The following MGST1 variants were observed in gnomAD, a reference collection of about 807,000 sequenced individuals.
The protein encoded by MGST1 is glutathione S-transferase 12.
Under a neutral mutation model 8.9 loss-of-function variants are expected in MGST1, and 5 were observed. That is an observed-to-expected ratio of 0.56 (90% CI 0.29 to 1.19). MGST1 has a LOEUF of 1.19. MGST1 is among the 50% of genes most tolerant of loss of function. MGST1 has a pLI of 0.08. For synonymous variants in MGST1, 54 were observed against 67.8 expected (o/e 0.80, Z 1.00); for missense variants, 182 against 187.4 (o/e 0.97, Z 0.17).
At chr12:16,378,495 C>T (rs1220293348), downstream of MGST1, among the ~76,000 whole-genome samples, 1 of 152,030 alleles carries the variant, frequency 6.6e-6, no homozygotes, top group East Asian at 1.9e-4. Context: ...TGTTCTGTTC[C>T]ATTGGTCTAT....
chr12:16,386,854 C>G (rs561416849), intron 1 of MGST1, among the ~76,000 whole-genome samples: 1 of 152,298 alleles, frequency 6.6e-6, no homozygotes, highest in South Asian at 2.1e-4. Flanking sequence ...CCAACTCCAT[C>G]CGGCCTGGGA....
Position 16,427,762 on chromosome 12 carries a change from T to C in MGST1, n.779-9626T>C, listed in dbSNP as rs879571337. On this transcript the variant is annotated intron_variant and non_coding_transcript_variant, in intron 1 of 1. Coordinates refer to the MGST1 transcript ENST00000359720. ...GGCTATTGAGCTTTAATTATTTCCA[T>C]CTAAGCATTATGCTTTTTCCTTTTA... Among the ~76,000 whole-genome samples, 37 of 152,334 alleles carry C rather than the reference T, an allele frequency of 2.4e-4. 1 individual carries two copies. Among genetic ancestry groups the C allele is most frequent in the Admixed American group, 1.8e-3 (28 of 15,304 alleles).
At chr12:16,591,417 G>A (rs1293762946), downstream of MGST1, among the ~76,000 whole-genome samples, 1 of 151,872 alleles carries the variant, frequency 6.6e-6, no homozygotes, top group Non-Finnish European at 1.5e-5. This position sits in a 1 kb window ranked among gnomAD's most constrained non-coding sequence, Gnocchi z 4.1. Flanking sequence ...CTCTTGTACT[G>A]CTTCATTTTC....
At chr12:16,448,175 CAGAA>C (rs1471554797) in intron 4 of MGST1, among the ~76,000 whole-genome samples, 23 of 151,894 alleles carry the variant, frequency 1.5e-4, no homozygotes, top group African/African-American at 4.8e-4. Context: ...TAAGAAAAGA[CAGAA>C]AGAAGAAACA....
At chr12:16,542,171 T>G (rs1463125794) in intron 4 of MGST1, among the ~76,000 whole-genome samples, 3 of 152,188 alleles carry the variant, frequency 2.0e-5, no homozygotes, top group Admixed American at 6.5e-5. Context: ...AATCCTCCAT[T>G]GATTAATTTT....
chr12:16,475,240 A>G (rs1403694860), intron 4 of MGST1, among the ~76,000 whole-genome samples: 2 of 152,208 alleles, frequency 1.3e-5, no homozygotes, highest in African/African-American at 4.8e-5. Flanking sequence ...ATAAAAATGG[A>G]TGAAAAAGTA....
chr12:16,568,853 G>A (rs1942709858), intron 4 of MGST1, among the ~76,000 whole-genome samples: 2 of 152,040 alleles, frequency 1.3e-5, no homozygotes, highest in Admixed American at 1.3e-4. Flanking sequence ...GAAACAAATG[G>A]AGATCCAAAA....
chr12:16,562,687 G>C lies in MGST1; in HGVS notation n.483-26841G>C, dbSNP rs567420234. On this transcript the variant is annotated intron_variant and non_coding_transcript_variant, in intron 4 of 4. Coordinates refer to the MGST1 transcript ENST00000538857. ...AGTAATGCATGGCCAGCCCTGAGCTGCCTGCTATACTGTGAACAACCCTCA... is the reference window on the plus strand; with the variant it reads ...AGTAATGCATGGCCAGCCCTGAGCTCCCTGCTATACTGTGAACAACCCTCA... Among the ~76,000 whole-genome samples, 16 of 152,332 alleles carry C rather than the reference G, an allele frequency of 1.1e-4. No individual in the cohort carries two copies. The East Asian group carries it at 2.9e-3, about 28-fold the overall frequency.
In MGST1 at chr12:16,582,171, T is replaced by G. The variant is rs1943181395; in HGVS notation, n.483-7357T>G. Among the ~76,000 whole-genome samples, 1 of 152,202 alleles carries G rather than the reference T, an allele frequency of 6.6e-6. No homozygotes were observed. Among genetic ancestry groups the G allele is most frequent in the Non-Finnish European group, 1.5e-5 (1 of 68,012 alleles). ...TATTTAACTGGTTTCTTCCTGTTTC[T>G]CTTTATTTGGAAGTTTTGAAATGGC... On this transcript the variant is annotated intron_variant and non_coding_transcript_variant, in intron 4 of 4. Coordinates refer to the MGST1 transcript ENST00000538857. This position sits in a 1 kb window ranked among gnomAD's most constrained non-coding sequence, Gnocchi z 4.1.
chr12:16,373,270 G>A (rs1940326950), intron 3 of MGST1, among the ~76,000 whole-genome samples: 1 of 151,702 alleles, frequency 6.6e-6, no homozygotes, highest in Non-Finnish European at 1.5e-5. Flanking sequence ...GGGATGTGGG[G>A]GATAAAGAGG....
At chr12:16,571,279 G>A (rs1377198865) in intron 4 of MGST1, among the ~76,000 whole-genome samples, 7 of 152,040 alleles carry the variant, frequency 4.6e-5, no homozygotes, top group Admixed American at 4.6e-4. Context: ...AAAGGCATCA[G>A]TATTTTATTG....
intron 4 of MGST1, among the ~76,000 whole-genome samples, chr12:16,534,789 C>T (rs1422760183): frequency 1.3e-5 from 2 of 151,980 alleles, no homozygotes; most frequent in African/African-American, 4.8e-5. Flanking sequence ...TTATTTCATC[C>T]TATAATAACA....
upstream of MGST1, among the ~76,000 whole-genome samples, chr12:16,382,197 T>G (rs1056519351): frequency 6.6e-6 from 1 of 152,212 alleles, no homozygotes; most frequent in Non-Finnish European, 1.5e-5. Context: ...GCATTCCTTT[T>G]GAGGAGGAGA....
rs886859135 is a variant in MGST1 at position 16,370,902 on chromosome 12, A to G, written c.222-5220A>G. Among the ~76,000 whole-genome samples, 10 of 152,220 alleles carry G rather than the reference A, an allele frequency of 6.6e-5. No homozygotes were observed. The East Asian group carries it at 1.7e-3, about 26-fold the overall frequency. ...TTATAGCAGAAAGCTTATAGCCTTTATTAATGAGGTCAAGCTCAATTTGAG... is the reference window on the plus strand; with the variant it reads ...TTATAGCAGAAAGCTTATAGCCTTTGTTAATGAGGTCAAGCTCAATTTGAG... On this transcript the variant is annotated intron_variant, in intron 3 of 3. Coordinates refer to the MGST1 transcript ENST00000535309.
exon 2 of MGST1, chr12:16,438,633 A>T (rs1990697): frequency 6.6e-6 from 1 of 151,676 alleles, no homozygotes. Flanking sequence ...ATTCTAATAG[A>T]TAGAAAATGT....
intron 4 of MGST1, among the ~76,000 whole-genome samples, chr12:16,450,166 C>T (rs1302022303): frequency 5.3e-5 from 8 of 151,926 alleles, no homozygotes; most frequent in Non-Finnish European, 1.2e-4. Context: ...GTGTATGACA[C>T]TTCTGTTTGC....
chr12:16,578,105 C>A (rs959213782), intron 4 of MGST1, among the ~76,000 whole-genome samples: 1 of 152,068 alleles, frequency 6.6e-6, no homozygotes, highest in African/African-American at 2.4e-5. Flanking sequence ...GGCACCTCAT[C>A]GCCTCCCAGA....
chr12:16,462,554 C>CAA lies in MGST1; in HGVS notation n.482+78950_482+78951insAA, dbSNP rs530555809. Among the ~76,000 whole-genome samples the CAA allele has an allele frequency of 8.1e-4, 120 of 149,064 alleles. 1 individual carries two copies. In the East Asian group the frequency reaches 9.6e-3, roughly 12 times the overall value. The stretch of plus-strand genomic sequence containing the variant: ...TCATTAAAAGATGCACTTTACCCCC[C>CAA]CAAAAAAAACTAGGAAAAACCTTTG... On this transcript the variant is annotated intron_variant and non_coding_transcript_variant, in intron 4 of 4. Transcript: ENST00000538857.
chr12:16,373,448 G>T (rs1433159374), intron 3 of MGST1, among the ~76,000 whole-genome samples: 1 of 151,838 alleles, frequency 6.6e-6, no homozygotes, highest in Non-Finnish European at 1.5e-5. Context: ...TACTTGAGGT[G>T]ATGAATACCC....
Sources: allele counts gnomAD v4.1 joint callset (sites outside exome capture counted in the v4.1 genomes callset), GRCh38; gene constraint gnomAD v4.1.1; non-coding constraint Gnocchi (gnomAD v3.1); transcripts MANE v1.5; gene names NCBI Gene and HGNC (gene_info 2026-07-23, HGNC 2026-07-21).